The following OPCML variants were observed in gnomAD, a reference collection of about 807,000 sequenced individuals.
OPCML encodes opioid-binding protein/cell adhesion molecule.
In OPCML, 13 loss-of-function variants were observed where a neutral mutation model predicts 37.8. The observed-to-expected ratio is 0.34, with a 90% CI of 0.22 to 0.55. The LOEUF (loss-of-function observed/expected upper bound fraction) is 0.55, where lower values mean the gene tolerates loss of function less well. Among genes scored for constraint, OPCML ranks in the 20% least tolerant of loss-of-function variants. OPCML has a pLI of 0.91. For synonymous variants in OPCML, 176 were observed against 168.8 expected (o/e 1.04, Z -0.33); for missense variants, 341 against 435.6 (o/e 0.78, Z 1.93).
intron 1 of OPCML, among the ~76,000 whole-genome samples, chr11:133,378,343 A>C (rs562359756): frequency 2.6e-4 from 39 of 152,254 alleles, no homozygotes; most frequent in African/African-American, 9.1e-4. Context: ...TTACTCAAAC[A>C]TTACGTTTGT....
intron 1 of OPCML, among the ~76,000 whole-genome samples, chr11:133,140,931 C>CGACGAAGACGAAGACGAAGACGAA: frequency 2.2e-4 from 1 of 4,534 alleles, no homozygotes. Flanking sequence ...ACGACGACGA[C>CGACGAAGACGAAGACGAAGACGAA]GAAGAAGAAG....
chr11:133,111,465 T>C (rs1949252236), intron 1 of OPCML, among the ~76,000 whole-genome samples: 1 of 152,202 alleles, frequency 6.6e-6, no homozygotes. Flanking sequence ...TTTTGGCATG[T>C]TGTCCCCAGT....
intron 1 of OPCML, among the ~76,000 whole-genome samples, chr11:133,088,986 AGTAAT>A (rs1002868366): frequency 1.2e-4 from 18 of 152,370 alleles, no homozygotes; most frequent in African/African-American, 4.1e-4. Context: ...GCTAATAGTA[AGTAAT>A]GTAGTTTCTA....
At chr11:132,575,054 T>A (rs1343791970) in intron 3 of OPCML, among the ~76,000 whole-genome samples, 2 of 152,064 alleles carry the variant, frequency 1.3e-5, no homozygotes, top group Non-Finnish European at 2.9e-5. Flanking sequence ...CAGTGTTATC[T>A]CATGTAAGTA....
chr11:132,423,568 T>C (rs2136663603), intron 7 of OPCML, among the ~76,000 whole-genome samples: 1 of 152,342 alleles, frequency 6.6e-6, no homozygotes, highest in African/African-American at 2.4e-5. Context: ...ATGAACTCAT[T>C]CTTTAATTGC....
chr11:132,492,246 A>C (rs1355589764), intron 4 of OPCML, among the ~76,000 whole-genome samples: 16 of 152,052 alleles, frequency 1.1e-4, no homozygotes, highest in Non-Finnish European at 1.6e-4. Flanking sequence ...GGCTTGGAGC[A>C]AAAGGTGGGC....
intron 4 of OPCML, among the ~76,000 whole-genome samples, chr11:132,449,045 C>T (rs2096062307): frequency 6.6e-6 from 1 of 152,202 alleles, no homozygotes; most frequent in Admixed American, 6.5e-5. Context: ...AACCCAGGAG[C>T]TCAGGGTCAC....
intron 1 of OPCML, among the ~76,000 whole-genome samples, chr11:133,070,858 C>G (rs1948521691): frequency 6.6e-6 from 1 of 152,134 alleles, no homozygotes; most frequent in Non-Finnish European, 1.5e-5. Flanking sequence ...CAGGACCACA[C>G]CTGGGCAGGA....
chr11:133,464,652 G>T (rs1565649376), intron 1 of OPCML, among the ~76,000 whole-genome samples: 1 of 152,164 alleles, frequency 6.6e-6, no homozygotes, highest in South Asian at 2.1e-4. Flanking sequence ...AGCATGAGGT[G>T]TGTGAGAAAC....
At position 133,206,030 on chromosome 11, in the gene OPCML, G is replaced by A. The variant is rs1431725834; in HGVS notation, c.62-263020C>T. On this transcript the variant is annotated intron_variant, in intron 1 of 7. Transcript: ENST00000524381. This position sits in a 1 kb window ranked among gnomAD's most constrained non-coding sequence, Gnocchi z 4.7. ...TACTACTGCCGTGAGGAATACAAGA[G>A]CTAATGTACATACATGATGTAGTAC... 1.3e-5 allele frequency among the ~76,000 whole-genome samples: 2 copies of A among 152,170 alleles called. No homozygotes were observed. Among genetic ancestry groups the A allele is most frequent in the African/African-American group, 4.8e-5 (2 of 41,430 alleles).
intron 4 of OPCML, among the ~76,000 whole-genome samples, chr11:132,507,086 T>C (rs1457531174): frequency 3.4e-5 from 5 of 149,244 alleles, no homozygotes; most frequent in Non-Finnish European, 7.4e-5. Flanking sequence ...TAAGGTTAAC[T>C]GTAAGCCTAA....
chr11:133,517,929 G>T lies in OPCML; in HGVS notation c.61+14335C>A, dbSNP rs527933073. Among the ~76,000 whole-genome samples, 258 of 152,314 alleles carry T rather than the reference G, an allele frequency of 1.7e-3. 1 individual carries two copies. Among genetic ancestry groups the T allele is most frequent in the African/African-American group, 5.6e-3 (233 of 41,560 alleles). Reference sequence around the variant, plus strand: ...CAGGCACAGAATGGGCAAGGAGGATGACTGGGGTCCTAAATTTCTCCATTT... The same window carrying T: ...CAGGCACAGAATGGGCAAGGAGGATTACTGGGGTCCTAAATTTCTCCATTT... On this transcript the variant is annotated intron_variant, in intron 1 of 7. Transcript: ENST00000524381.
At chr11:132,448,368 A>G (rs1044033307) in intron 4 of OPCML, among the ~76,000 whole-genome samples, 24 of 152,224 alleles carry the variant, frequency 1.6e-4, no homozygotes, top group Non-Finnish European at 3.2e-4. Context: ...TAACCCAGGC[A>G]GCACAATTGG....
intron 1 of OPCML, among the ~76,000 whole-genome samples, chr11:133,508,014 A>G (rs1003229731): frequency 6.6e-6 from 1 of 152,248 alleles, no homozygotes; most frequent in South Asian, 2.1e-4. Flanking sequence ...GTTTTCCCCA[A>G]CACTAGATAT....
chr11:132,731,090 G>A (rs576362685), intron 2 of OPCML, among the ~76,000 whole-genome samples: 1 of 152,204 alleles, frequency 6.6e-6, no homozygotes, highest in Non-Finnish European at 1.5e-5. Context: ...CAACTGTCCT[G>A]TCCAGTGGGG....
chr11:132,712,094 C>A (rs1490692266), intron 2 of OPCML, among the ~76,000 whole-genome samples: 1 of 152,148 alleles, frequency 6.6e-6, no homozygotes, highest in Non-Finnish European at 1.5e-5. Context: ...AGGGTGGTGG[C>A]AGGAAGCCAT....
intron 3 of OPCML, among the ~76,000 whole-genome samples, chr11:132,595,479 C>T (rs1179622140): frequency 6.6e-6 from 1 of 152,062 alleles, no homozygotes; most frequent in Non-Finnish European, 1.5e-5. Context: ...TTCCCTTTTG[C>T]TGAATTGCAA....
At chr11:132,726,796 C>G (rs983915625) in intron 2 of OPCML, among the ~76,000 whole-genome samples, 3 of 152,158 alleles carry the variant, frequency 2.0e-5, no homozygotes, top group Admixed American at 6.5e-5. Context: ...GGGCCTGCTT[C>G]TATTACTTTA....
intron 1 of OPCML, among the ~76,000 whole-genome samples, chr11:132,963,459 G>A (rs899345008): frequency 6.6e-6 from 1 of 151,872 alleles, no homozygotes; most frequent in Admixed American, 6.6e-5. Context: ...AGGTGTGGTG[G>A]AGCACTCCTG....
Sources: gnomAD v4.1 joint callset for allele counts (sites outside exome capture counted in the v4.1 genomes callset) on GRCh38, gnomAD v4.1.1 for gene constraint, Gnocchi (gnomAD v3.1) non-coding constraint, MANE v1.5 for transcripts, NCBI Gene and HGNC (gene_info 2026-07-23, HGNC 2026-07-21) for gene names.